SYNM: variants seen among roughly 807,000 people sequenced by gnomAD.
SYNM encodes synemin, also known as desmuslin.
SYNM carries 95 observed loss-of-function variants against 104.0 expected under a neutral mutation model. The observed-to-expected ratio is 0.91, with a 90% confidence interval of 0.77 to 1.08. The LOEUF is 1.08. Among genes scored for constraint, SYNM ranks in the 50% least tolerant of loss-of-function variants. The pLI is 0.00. For missense variants in SYNM, 2,150 were observed against 2,052.2 expected, an observed-to-expected ratio of 1.05 and a Z score of -0.92; for synonymous variants, 918 against 869.0, an observed-to-expected ratio of 1.06 and a Z score of -0.99.
intron 2 of SYNM, among the ~76,000 whole-genome samples, chr15:99,124,310 C>A (rs900281602): frequency 3.3e-5 from 5 of 152,238 alleles, no homozygotes; most frequent in Non-Finnish European, 1.5e-5. Flanking sequence ...CTTGTTGATG[C>A]TTTCGCCGTG....
Position 99,133,245 on chromosome 15 carries a change from C to T in SYNM, c.*187C>T. Reference sequence around the variant, plus strand: ...GTAAAGGTTTCCAGTTAATTCATGCCTTAAAAGGCACTGCAATTTTATTTT... The same window carrying T: ...GTAAAGGTTTCCAGTTAATTCATGCTTTAAAAGGCACTGCAATTTTATTTT... On this transcript the variant is annotated 3_prime_UTR_variant, in exon 4 of 4. Transcript: ENST00000336292. 8.0e-7 allele frequency: 1 copy of T among 1,246,102 alleles called. No individual in the cohort carries two copies. The highest frequency in any genetic ancestry group is 1.1e-6 in the Non-Finnish European group (1 of 937,616). The allele number at this position is 1,246,102 out of a possible 1,614,324, so 77.2% of individuals were successfully genotyped here.
Position 99,105,763 on chromosome 15 carries a change from A to C in SYNM, c.564A>C (p.Ala188=). 6.5e-7 allele frequency: 1 copy of C among 1,538,760 alleles called. No homozygotes were observed. Among genetic ancestry groups the C allele is most frequent in the Non-Finnish European group, 8.7e-7 (1 of 1,144,094 alleles). The part of the protein sequence containing the change: ...PRLREVHDSY[A]LLVAESWRET... ...TGCGGGAGGTGCACGACAGCTACGC[A>C]CTGCTGGTGGCCGAGTCGTGGCGGG... The change falls in exon 1 of 4, where the codon GCA becomes GCC. Residue 188 remains alanine (A), a synonymous_variant. Coordinates refer to ENST00000336292, the MANE Select transcript of SYNM (RefSeq NM_145728.3).
At position 99,130,370 on chromosome 15, in the gene SYNM, C is replaced by T. The variant is rs5030693; in HGVS notation, c.2010C>T (p.Tyr670=). 9.9e-3 allele frequency: 16,047 copies of T among 1,613,598 alleles called. 117 individuals are homozygous for T. The highest frequency in any genetic ancestry group is 0.018 in the Middle Eastern group (108 of 6,062). Residue 670 remains tyrosine, a synonymous_variant, in exon 4 of 4, where the codon TAC becomes TAT. Coordinates refer to ENST00000336292, the MANE Select transcript of SYNM (RefSeq NM_145728.3). ...ADSFPDTKVT[Y]VDRKELPGER... ...CTTTTCCAGACACAAAAGTCACTTA[C>T]GTGGACAGGAAAGAGCTTCCTGGGG...
At position 99,122,797 on chromosome 15, in the gene SYNM, C is replaced by G. The variant is rs1190494739; in HGVS notation, c.936-3925C>G. Among the ~76,000 whole-genome samples the G allele has an allele frequency of 2.0e-5, 3 of 152,312 alleles. No individual in the cohort carries two copies. The East Asian group carries it at 5.8e-4, about 29-fold the overall frequency. On this transcript the variant is annotated intron_variant, in intron 2 of 3. Coordinates refer to ENST00000336292, the MANE Select transcript of SYNM (RefSeq NM_145728.3). ...GAGATTGCCGTGAGCTGAGATGGCA[C>G]CACTGCACTCCAGCCTGGGCGACAG...
chr15:99,105,139 CG>C lies in SYNM; in HGVS notation c.-58del. On this transcript the variant is annotated 5_prime_UTR_variant, in exon 1 of 4. Coordinates refer to ENST00000336292, the MANE Select transcript of SYNM (RefSeq NM_145728.3). ...AGCGTCGCGGCGGAGAGGACGAGAC[CG>C]GGACAAGACCAGGGCAGGAGGGAGC... 1 of 1,522,930 alleles carries C rather than the reference CG, an allele frequency of 6.6e-7. No homozygotes were observed. The highest frequency in any genetic ancestry group is 1.4e-5 in the African/African-American group (1 of 70,984). The allele number at this position is 1,522,930 out of a possible 1,614,324, so 94.3% of individuals were successfully genotyped here. A position where few individuals can be genotyped will look rare whatever the true frequency, so the allele number is the denominator to read the frequency against.
chr15:99,113,532 T>G lies in SYNM; in HGVS notation c.811-59T>G, dbSNP rs149677379. ...ATTCGATCCTGAATTGTTGGTACCT[T>G]CAGTTCGACCCAGTAAAGCTCCAGT... is the stretch of plus-strand genomic sequence containing the variant. On this transcript the variant is annotated intron_variant, in intron 1 of 3. Coordinates refer to ENST00000336292, the MANE Select transcript of SYNM (RefSeq NM_145728.3). 6.9e-5 allele frequency: 111 copies of G among 1,602,710 alleles called. No homozygotes were observed. In the East Asian group the frequency reaches 2.4e-3, roughly 35 times the overall value.
In SYNM at chr15:99,130,362, G is replaced by A; in HGVS notation, c.2002G>A (p.Val668Ile). Residue 668 changes from valine (V) to isoleucine (I), a missense_variant, in exon 4 of 4, where the codon GTC becomes ATC. Physicochemically the swap from Val to Ile is conservative, Grantham distance 29. Transcript: ENST00000336292. ...TGCTGATTCTTTTCCAGACACAAAA[G>A]TCACTTACGTGGACAGGAAAGAGCT... ...ASADSFPDTK[V>I]TYVDRKELPG... 1 of 1,613,714 alleles carries A rather than the reference G, an allele frequency of 6.2e-7. No homozygotes were observed. Among genetic ancestry groups the A allele is most frequent in the Non-Finnish European group, 8.5e-7 (1 of 1,179,740 alleles).
chr15:99,120,329 G>A (rs2067388444), intron 2 of SYNM, among the ~76,000 whole-genome samples: 1 of 152,180 alleles, frequency 6.6e-6, no homozygotes, highest in Non-Finnish European at 1.5e-5. Flanking sequence ...CGCAGGGAGG[G>A]CTTCCTGAAG....
Position 99,132,807 on chromosome 15 carries a change from GGT to G in SYNM, c.4452_4453del (p.Ser1485Ter). 6.2e-7 allele frequency: 1 copy of G among 1,613,954 alleles called. No individual in the cohort carries two copies. Among genetic ancestry groups the G allele is most frequent in the Non-Finnish European group, 8.5e-7 (1 of 1,179,900 alleles). On this transcript the variant is annotated frameshift_variant, in exon 4 of 4. Coordinates refer to ENST00000336292, the MANE Select transcript of SYNM (RefSeq NM_145728.3). LOFTEE classifies it high-confidence loss of function. ...RSRTQEAGAL[G>X]VSDRGSWRDA... is the part of the protein sequence containing the mutation. Reference sequence around the variant, plus strand: ...CCGGACACAGGAAGCGGGAGCTCTCGGTGTGTCTGACCGTGGTTCCTGGAGAG... The same window carrying G: ...CCGGACACAGGAAGCGGGAGCTCTCGGTGTCTGACCGTGGTTCCTGGAGAG...
At chr15:99,106,141 G>T in intron 1 of SYNM, 132 bp downstream of exon 1, 3 of 1,030,628 alleles carry the variant, frequency 2.9e-6, no homozygotes, top group Non-Finnish European at 3.9e-6. Context: ...CCGCCCAGAG[G>T]GTGCCCGAAT....
chr15:99,132,931 C>T lies in SYNM; in HGVS notation c.4571C>T (p.Ala1524Val), dbSNP rs782600878. The change falls in exon 4 of 4, where the codon GCC becomes GTC. Residue 1524 changes from alanine (A) to valine (V), a missense_variant. Transcript: ENST00000336292. Reference sequence around the variant, plus strand: ...CACAGAGAACAGGGCAAGGAGCAGGCCATGTTTGATAAGAAGGTGCAGCTC... The same window carrying T: ...CACAGAGAACAGGGCAAGGAGCAGGTCATGTTTGATAAGAAGGTGCAGCTC... ...QAHREQGKEQ[A>V]MFDKKVQLQR... is the part of the protein sequence containing the mutation. 1.2e-6 allele frequency: 2 copies of T among 1,613,630 alleles called. No individual in the cohort carries two copies.
intron 2 of SYNM, among the ~76,000 whole-genome samples, chr15:99,117,986 C>T (rs1442732489): frequency 1.3e-5 from 2 of 152,224 alleles, no homozygotes; most frequent in Non-Finnish European, 2.9e-5. Flanking sequence ...ATGGATTTCA[C>T]TGTACCTCTT....
In SYNM at chr15:99,132,147, A is replaced by G. The variant is rs1555486055; in HGVS notation, c.3787A>G (p.Arg1263Gly). The change falls in exon 4 of 4, where the codon AGG becomes GGG. Residue 1263 changes from arginine (R) to glycine (G), a missense_variant. Transcript: ENST00000336292. ...GTCAGTGGGTACCCAGACTTCTGTC[A>G]GGCAACTCCAGTTAGGCCCTAAAGA... is the stretch of plus-strand genomic sequence containing the variant. ...EESVGTQTSV[R>G]QLQLGPKEGF... 6.2e-7 allele frequency: 1 copy of G among 1,614,052 alleles called. No individual in the cohort carries two copies. The highest frequency in any genetic ancestry group is 8.5e-7 in the Non-Finnish European group (1 of 1,179,906).
rs1312070085 is a variant in SYNM, at chr15:99,130,307, G to A, written c.1947G>A (p.Gln649=). The change falls in exon 4 of 4, where the codon CAG becomes CAA. Residue 649 remains glutamine, a synonymous_variant. Coordinates refer to ENST00000336292, the MANE Select transcript of SYNM (RefSeq NM_145728.3). ...AENIVTSILK[Q]FTQSPETEAS... ...ACATCGTTACCAGTATCCTGAAGCA[G>A]TTCACTCAGTCTCCAGAGACAGAAG... 3.1e-6 allele frequency: 5 copies of A among 1,613,938 alleles called. No homozygotes were observed. Among genetic ancestry groups the A allele is most frequent in the African/African-American group, 1.3e-5 (1 of 75,048 alleles).
chr15:99,129,987 A>C lies in SYNM; in HGVS notation c.1627A>C (p.Thr543Pro), dbSNP rs2151809587. 1 of 1,612,632 alleles carries C rather than the reference A, an allele frequency of 6.2e-7. No homozygotes were observed. The highest frequency in any genetic ancestry group is 2.2e-5 in the East Asian group (1 of 44,850). The change falls in exon 4 of 4, where the codon ACA (threonine) becomes CCA (proline). Residue 543 changes from threonine (T) to proline (P), a missense_variant. Transcript: ENST00000336292. ...GAGAAACCTAAGATGGGAAGAATTG[A>C]CAAAGTTAGATAAGGAAGCGAGACA... ...EERNLRWEEL[T>P]KLDKEARQRE...
At position 99,131,413 on chromosome 15, in the gene SYNM, A is replaced by T. The variant is rs370918080; in HGVS notation, c.3053A>T (p.Glu1018Val). ...GATGCCGATCGGTTAGACCTGGAGG[A>T]GCTGAGCAAAGATGAGGCCAGTGAG... ...TVDADRLDLE[E>V]LSKDEASEME... is the part of the protein sequence containing the mutation. The change falls in exon 4 of 4, where the codon GAG becomes GTG. Residue 1018 changes from glutamate (E) to valine (V), a missense_variant. Coordinates refer to ENST00000336292, the MANE Select transcript of SYNM (RefSeq NM_145728.3). The surrounding 1 kb of genome is among the most constrained non-coding windows in gnomAD (Gnocchi z 4.3). 877 of 1,611,556 alleles carry T rather than the reference A, an allele frequency of 5.4e-4. 3 individuals carry two copies. The African/African-American group carries it at 9.9e-3, about 18-fold the overall frequency.
the SYNM span, among the ~76,000 whole-genome samples, chr15:99,141,249 A>G: frequency 6.6e-6 from 1 of 151,888 alleles, no homozygotes. Context: ...TGATATATGT[A>G]TGTGTATATA....
intron 1 of SYNM, among the ~76,000 whole-genome samples, chr15:99,107,944 TTGTTTTGTTTTTTTTTTGGTTTTGG>T (rs1421309984): frequency 5.7e-4 from 70 of 122,178 alleles, no homozygotes; most frequent in Middle Eastern, 3.9e-3. Context: ...TTTTTGTTTT[TTGTTTTGTTTTTTTTTTGGTTTTGG>T]TTTTGGTTTT....
rs934264409 is a variant in SYNM at position 99,134,472 on chromosome 15, A to G, written c.*1414A>G. 6.6e-6 allele frequency: 1 copy of G among 152,026 alleles called. No individual in the cohort carries two copies. Among genetic ancestry groups the G allele is most frequent in the East Asian group, 1.9e-4 (1 of 5,196 alleles). 9.4% of individuals were successfully genotyped at this position (152,026 alleles called of 1,614,324 possible). ...ATAAAAAGAGTTTCGCTAGCAGCGC[A>G]TTTTTTTTAGTTCAGGCTAGCTTCT... On this transcript the variant is annotated 3_prime_UTR_variant, in exon 4 of 4. Transcript: ENST00000336292.
Sources: gnomAD v4.1 joint callset for allele counts (sites outside exome capture counted in the v4.1 genomes callset) on GRCh38, gnomAD v4.1.1 for gene constraint, Gnocchi (gnomAD v3.1) non-coding constraint, MANE v1.5 for transcripts, NCBI Gene and HGNC (gene_info 2026-07-23, HGNC 2026-07-21) for gene names.